The following ATP10B variants were observed in gnomAD, a reference collection of about 807,000 sequenced individuals.
The protein encoded by ATP10B is ATPase phospholipid transporting 10B (putative).
Under a neutral mutation model 141.2 loss-of-function variants are expected in ATP10B, and 122 were observed. The ratio of observed to expected loss-of-function variants is 0.86; its 90% confidence interval spans 0.75 to 1.00. ATP10B has a LOEUF of 1.00. ATP10B is among the 50% of genes least tolerant of loss of function. The pLI is 0.00. For missense variants in ATP10B, 1,876 were observed against 1,825.3 expected (o/e 1.03, Z -0.51); for synonymous variants, 685 against 692.0 (o/e 0.99, Z 0.16).
intron 6 of ATP10B, chr5:160,684,899 C>G (rs1345974243): frequency 1.4e-6 from 1 of 703,270 alleles, no homozygotes; most frequent in Non-Finnish European, 2.6e-6. Flanking sequence ...CGGAGGTCTT[C>G]CCAAGCGTCC....
chr5:160,667,007 AG>A (rs1379795942), intron 7 of ATP10B, among the ~76,000 whole-genome samples: 1 of 152,060 alleles, frequency 6.6e-6, no homozygotes, highest in African/African-American at 2.4e-5. Context: ...TCATGAGGTC[AG>A]GAAATCGAGA....
chr5:160,763,988 C>T (rs980459932), intron 2 of ATP10B, among the ~76,000 whole-genome samples: 15 of 152,054 alleles, frequency 9.9e-5, no homozygotes, highest in Non-Finnish European at 2.2e-4. Flanking sequence ...AAATATACAA[C>T]CCTCTTAGAT....
Position 160,617,975 on chromosome 5 carries a change from T to C in ATP10B, c.2417-2A>G. On this transcript the variant is annotated splice_acceptor_variant, in intron 15 of 25. Coordinates refer to ENST00000327245, the MANE Select transcript of ATP10B (RefSeq NM_025153.3). LOFTEE classifies it high-confidence loss of function. Reference sequence around the variant, plus strand: ...TCTTTTCCATATTAATGTCAGGTACTGTCAAATAGCCATTTTCCCGCATGA... The same window carrying C: ...TCTTTTCCATATTAATGTCAGGTACCGTCAAATAGCCATTTTCCCGCATGA... 1 of 1,612,708 alleles carries C rather than the reference T, an allele frequency of 6.2e-7. No homozygotes were observed. Among genetic ancestry groups the C allele is most frequent in the Non-Finnish European group, 8.5e-7 (1 of 1,178,678 alleles).
At chr5:160,925,527 T>C in the ATP10B span, among the ~76,000 whole-genome samples, 3 of 152,238 alleles carry the variant, frequency 2.0e-5, no homozygotes, top group African/African-American at 7.2e-5. Flanking sequence ...TTAGTCACTG[T>C]GATAAATTGC....
the ATP10B span, among the ~76,000 whole-genome samples, chr5:160,866,687 A>C: frequency 2.6e-5 from 4 of 152,148 alleles, no homozygotes; most frequent in Non-Finnish European, 5.9e-5. Context: ...AAACAAAACA[A>C]AACAAAACCA....
chr5:160,927,733 A>T, the ATP10B span, among the ~76,000 whole-genome samples: 1,681 of 152,316 alleles, frequency 0.011, 23 homozygotes, highest in African/African-American at 0.038. Context: ...TAGGAGGTAG[A>T]AGAAAGGTCT....
Position 160,640,570 on chromosome 5 carries a change from C to T in ATP10B, c.891G>A (p.Leu297=), listed in dbSNP as rs970459306. 4.3e-6 allele frequency: 7 copies of T among 1,613,984 alleles called. No homozygotes were observed. The African/African-American group carries it at 6.7e-5, about 15-fold the overall frequency. ...IYAGHETKAM[L]NNSGPRYKRS... ...GTTTGTACCGGGGGCCACTGTTGTT[C>T]AGCATGGCTTTCGTCTCATGGCCTT... The change falls in exon 10 of 26, where the codon CTG becomes CTA. Residue 297 remains leucine, a synonymous_variant. Coordinates refer to ENST00000327245, the MANE Select transcript of ATP10B (RefSeq NM_025153.3).
the ATP10B span, among the ~76,000 whole-genome samples, chr5:160,878,369 T>C: frequency 3.3e-5 from 5 of 151,676 alleles, no homozygotes; most frequent in Non-Finnish European, 5.9e-5. Flanking sequence ...TTACACCTTA[T>C]ACAAAAATCA....
At chr5:160,629,535 G>A (rs1309407781) in intron 13 of ATP10B, among the ~76,000 whole-genome samples, 1 of 152,100 alleles carries the variant, frequency 6.6e-6, no homozygotes, top group Admixed American at 6.5e-5. Context: ...GGATCTCAGG[G>A]GAGAGAGTTC....
chr5:160,704,240 C>T (rs1023535546), intron 3 of ATP10B, among the ~76,000 whole-genome samples: 77 of 151,814 alleles, frequency 5.1e-4, no homozygotes, highest in Middle Eastern at 3.4e-3. Flanking sequence ...TATTATTGTT[C>T]GTAGAGACAG....
At chr5:160,753,462 T>C (rs551605392) in intron 2 of ATP10B, among the ~76,000 whole-genome samples, 1 of 152,330 alleles carries the variant, frequency 6.6e-6, no homozygotes, top group South Asian at 2.1e-4. Context: ...ATCACTGATA[T>C]ACATAATTAC....
At chr5:160,843,507 C>CAA (rs34514367) in intron 1 of ATP10B, among the ~76,000 whole-genome samples, 2 of 138,548 alleles carry the variant, frequency 1.4e-5, no homozygotes, top group African/African-American at 5.3e-5. Flanking sequence ...AGAGCATTGA[C>CAA]AAAAAAAAAA....
At chr5:160,715,687 G>GATTTATTT (rs1765587572) in intron 3 of ATP10B, among the ~76,000 whole-genome samples, 3 of 55,826 alleles carry the variant, frequency 5.4e-5, no homozygotes, top group African/African-American at 1.8e-4. Flanking sequence ...AATTTAGCTT[G>GATTTATTT]CTTTATTTAT....
intron 1 of ATP10B, among the ~76,000 whole-genome samples, chr5:160,845,328 T>C (rs1412396087): frequency 6.6e-6 from 1 of 152,084 alleles, no homozygotes; most frequent in Non-Finnish European, 1.5e-5. Context: ...CCAAGGAACA[T>C]ATCAGTGTGG....
the ATP10B span, among the ~76,000 whole-genome samples, chr5:160,890,725 A>C: frequency 1.3e-5 from 2 of 149,482 alleles, no homozygotes; most frequent in Admixed American, 6.6e-5. Context: ...TTTCTCTTTT[A>C]TCTTTTAGAG....
intron 1 of ATP10B, among the ~76,000 whole-genome samples, chr5:160,787,105 G>GACACACACACAC (rs58517660): frequency 1.5e-5 from 2 of 133,660 alleles, no homozygotes; most frequent in African/African-American, 5.2e-5. Context: ...TTTTGACACA[G>GACACACACACAC]ACACACACAC....
the ATP10B span, among the ~76,000 whole-genome samples, chr5:160,864,173 T>C: frequency 8.5e-5 from 13 of 152,054 alleles, no homozygotes; most frequent in East Asian, 2.5e-3. Context: ...CGCAAAAACA[T>C]AGACGCAAAA....
intron 24 of ATP10B, among the ~76,000 whole-genome samples, chr5:160,570,829 G>C (rs1431460324): frequency 2.0e-5 from 3 of 152,096 alleles, no homozygotes; most frequent in Non-Finnish European, 4.4e-5. Flanking sequence ...CATTGTTCTT[G>C]AAATTTGTCT....
At chr5:160,680,376 A>G (rs1180838480) in intron 6 of ATP10B, among the ~76,000 whole-genome samples, 1 of 152,168 alleles carries the variant, frequency 6.6e-6, no homozygotes, top group Non-Finnish European at 1.5e-5. Context: ...GCAAAAGGAT[A>G]TGTCTTTTAG....
Sources: allele counts gnomAD v4.1 joint callset (sites outside exome capture counted in the v4.1 genomes callset), GRCh38; gene constraint gnomAD v4.1.1; transcripts MANE v1.5; gene names NCBI Gene and HGNC (gene_info 2026-07-23, HGNC 2026-07-21).